CACNA1E: variants seen among roughly 807,000 people sequenced by gnomAD.
CACNA1E encodes calcium voltage-gated channel subunit alpha1 E.
In CACNA1E, 40 loss-of-function variants were observed where a neutral mutation model predicts 259.2. That is an observed-to-expected ratio of 0.15 (90% CI 0.12 to 0.20). CACNA1E has a LOEUF of 0.20. CACNA1E is among the 10% of genes least tolerant of loss of function. CACNA1E has a pLI of 1.00. For missense variants in CACNA1E, 1,874 were observed against 3,040.1 expected (o/e 0.62, Z 9.02); for synonymous variants, 1,104 against 1,138.5 (o/e 0.97, Z 0.61).
At chr1:181,370,907 C>A (rs1031054233) in intron 1 of CACNA1E, among the ~76,000 whole-genome samples, 4 of 152,182 alleles carry the variant, frequency 2.6e-5, no homozygotes, top group Non-Finnish European at 5.9e-5. Context: ...TATAAGTATT[C>A]CCTTTTCTCC....
At chr1:181,596,643 C>G (rs1653204435) in intron 6 of CACNA1E, among the ~76,000 whole-genome samples, 1 of 151,568 alleles carries the variant, frequency 6.6e-6, no homozygotes, top group South Asian at 2.1e-4. Flanking sequence ...CCAGGGAGCT[C>G]TTTGCCAAGA....
chr1:181,756,187 G>T (rs1208189569), intron 29 of CACNA1E, 94 bp downstream of exon 29: 1 of 1,254,962 alleles, frequency 8.0e-7, no homozygotes, highest in Non-Finnish European at 1.1e-6. Context: ...CTCACGCTTT[G>T]TTATTGTATC....
chr1:181,772,309 AT>A, intron 37 of CACNA1E, 78 bp downstream of exon 37: 1 of 1,441,018 alleles, frequency 6.9e-7, no homozygotes, highest in South Asian at 1.3e-5. Flanking sequence ...TAGACCGGAG[AT>A]GTTTGCTTCA....
rs1653332676 is a variant in CACNA1E at position 181,597,721 on chromosome 1, C to A, written c.951+16945C>A. 2.0e-5 allele frequency among the ~76,000 whole-genome samples: 3 copies of A among 152,194 alleles called. No homozygotes were observed. The South Asian group carries it at 6.2e-4, about 31-fold the overall frequency. On this transcript the variant is annotated intron_variant, in intron 6 of 47. Coordinates refer to ENST00000367573, the MANE Select transcript of CACNA1E (RefSeq NM_001205293.3). The stretch of plus-strand genomic sequence containing the variant: ...AAGAGGTTTAATTTGACTTACAGTT[C>A]CACATGGCTGGGGAGGCCTCACAAT...
intron 2 of CACNA1E, among the ~76,000 whole-genome samples, chr1:181,469,199 T>C (rs150159091): frequency 2.1e-3 from 320 of 152,166 alleles, no homozygotes; most frequent in African/African-American, 5.6e-3. Flanking sequence ...AAGAGGAAGA[T>C]GGATGAGGAG....
rs184974660 is a variant in CACNA1E at position 181,627,473 on chromosome 1, G to C, written c.952-23865G>C. The stretch of plus-strand genomic sequence containing the variant: ...CTCCTTAGGAGTGGGGGGAGATAAG[G>C]CTCGGTAAATGGATGAGGCCCAGAC... On this transcript the variant is annotated intron_variant, in intron 6 of 47. Coordinates refer to ENST00000367573, the MANE Select transcript of CACNA1E (RefSeq NM_001205293.3). 1.3e-5 allele frequency among the ~76,000 whole-genome samples: 2 copies of C among 152,186 alleles called. 1 individual carries two copies. The highest frequency in any genetic ancestry group is 1.3e-4 in the Admixed American group (2 of 15,280).
intron 1 of CACNA1E, among the ~76,000 whole-genome samples, chr1:181,368,241 A>T (rs986967445): frequency 2.6e-5 from 4 of 151,580 alleles, no homozygotes; most frequent in Admixed American, 2.6e-4. Flanking sequence ...AAAAAATAAA[A>T]TAAAAAGAAA....
rs1284357482 is a variant in CACNA1E, at chr1:181,483,605, C to T, written c.-140C>T. On this transcript the variant is annotated 5_prime_UTR_variant, in exon 1 of 48. Transcript: ENST00000367573. ...GCTGCTGCTGCCTCTCCGAAGAGCT[C>T]GCGGAGCTCCCCAGAGGCGGTGGTC... 4 of 495,586 alleles carry T rather than the reference C, an allele frequency of 8.1e-6. No individual in the cohort carries two copies. The highest frequency in any genetic ancestry group is 7.4e-5 in the Admixed American group (2 of 27,084). The allele number at this position is 495,586 out of a possible 1,614,324, so 30.7% of individuals were successfully genotyped here. A position where few individuals can be genotyped will look rare whatever the true frequency, so the allele number is the denominator to read the frequency against.
chr1:181,441,556 T>A (rs1264035142), intron 2 of CACNA1E, among the ~76,000 whole-genome samples: 2 of 152,202 alleles, frequency 1.3e-5, no homozygotes, highest in Non-Finnish European at 2.9e-5. Context: ...CCTACCCAGA[T>A]TGGAAATTCC....
chr1:181,606,776 G>A (rs978028269), intron 6 of CACNA1E, among the ~76,000 whole-genome samples: 32 of 152,182 alleles, frequency 2.1e-4, no homozygotes, highest in Non-Finnish European at 2.5e-4. Context: ...CCCCCAACCC[G>A]ACTCCATCAA....
chr1:181,407,947 A>G (rs1219741983), intron 1 of CACNA1E, among the ~76,000 whole-genome samples: 1 of 152,196 alleles, frequency 6.6e-6, no homozygotes, highest in Non-Finnish European at 1.5e-5. Flanking sequence ...GAATTAGGAC[A>G]TCTTTACCCT....
intron 2 of CACNA1E, among the ~76,000 whole-genome samples, chr1:181,440,138 T>A (rs1278121452): frequency 6.6e-6 from 1 of 152,236 alleles, no homozygotes; most frequent in African/African-American, 2.4e-5. Flanking sequence ...ATCAGGTAGA[T>A]GTTTTCTTTG....
At chr1:181,548,833 A>G (rs1464110846) in intron 3 of CACNA1E, among the ~76,000 whole-genome samples, 2 of 152,216 alleles carry the variant, frequency 1.3e-5, no homozygotes, top group Admixed American at 1.3e-4. Context: ...CTTATCCATC[A>G]TGTTTAGTTG....
At chr1:181,525,894 A>T (rs962707987) in intron 3 of CACNA1E, among the ~76,000 whole-genome samples, 1 of 152,170 alleles carries the variant, frequency 6.6e-6, no homozygotes, top group African/African-American at 2.4e-5. Flanking sequence ...TAGGGGAGCT[A>T]TCCTTTTCCA....
chr1:181,688,259 C>G (rs1650783711), intron 7 of CACNA1E, among the ~76,000 whole-genome samples: 1 of 152,154 alleles, frequency 6.6e-6, no homozygotes, highest in Non-Finnish European at 1.5e-5. Context: ...TTTCCCTATG[C>G]AATATATCGC....
chr1:181,732,904 A>C lies in CACNA1E; in HGVS notation c.2818A>C (p.Arg940=). Residue 940 remains arginine (R), a synonymous_variant, in exon 20 of 48, where the codon AGG becomes CGG. Transcript: ENST00000367573. The surrounding 1 kb of genome is among the most constrained non-coding windows in gnomAD (Gnocchi z 5.5). ...GKESSSASRS[R]SASQERSLDE... ...GGAGTCCTCTTCAGCCTCCCGGAGC[A>C]GGTCTGCCAGCCAGGAACGCAGTCT... The C allele has an allele frequency of 6.2e-7, 1 of 1,613,992 alleles. No homozygotes were observed.
At chr1:181,755,924 G>T in intron 28 of CACNA1E, 32 bp from the exon 29 acceptor site, 1 of 1,605,724 alleles carries the variant, frequency 6.2e-7, no homozygotes, top group Non-Finnish European at 8.5e-7. Context: ...CTATAGTGAG[G>T]AGGCTCTCTT....
chr1:181,459,801 G>C (rs998399488), intron 2 of CACNA1E, among the ~76,000 whole-genome samples: 1 of 152,188 alleles, frequency 6.6e-6, no homozygotes, highest in African/African-American at 2.4e-5. Flanking sequence ...CAACTCACGA[G>C]ATGCACAGGA....
intron 6 of CACNA1E, among the ~76,000 whole-genome samples, chr1:181,585,524 C>T (rs1651972607): frequency 6.6e-6 from 1 of 151,960 alleles, no homozygotes; most frequent in Non-Finnish European, 1.5e-5. Context: ...GCATATAGAA[C>T]ATAAGGAAAA....
Sources: allele counts gnomAD v4.1 joint callset (sites outside exome capture counted in the v4.1 genomes callset), GRCh38; gene constraint gnomAD v4.1.1; non-coding constraint Gnocchi (gnomAD v3.1); transcripts MANE v1.5; gene names NCBI Gene and HGNC (gene_info 2026-07-23, HGNC 2026-07-21).